Variants in CPEB3 observed in about 807,000 individuals in gnomAD.
CPEB3 encodes the protein cytoplasmic polyadenylation element-binding protein 3.
A neutral mutation model predicts 67.2 loss-of-function variants in CPEB3; 20 were observed. That is an observed-to-expected ratio of 0.30 (90% CI 0.21 to 0.43). The LOEUF (loss-of-function observed/expected upper bound fraction) is 0.43, where lower values mean the gene tolerates loss of function less well. Among genes scored for constraint, CPEB3 ranks in the 20% least tolerant of loss-of-function variants. The pLI is 1.00. For missense variants in CPEB3, 746 were observed against 968.6 expected (o/e 0.77, Z 3.05); for synonymous variants, 376 against 393.1 (o/e 0.96, Z 0.51).
At chr10:92,288,930 G>A (rs1842663619) in intron 1 of CPEB3, among the ~76,000 whole-genome samples, 1 of 152,110 alleles carries the variant, frequency 6.6e-6, no homozygotes. Flanking sequence ...AGCACAAGGA[G>A]CAAAAAATAA....
intron 2 of CPEB3, among the ~76,000 whole-genome samples, chr10:92,205,044 T>C (rs1462912444): frequency 6.6e-6 from 1 of 152,140 alleles, no homozygotes; most frequent in Non-Finnish European, 1.5e-5. Flanking sequence ...TTCACCATCT[T>C]GGCCAAGCTG....
At chr10:92,162,000 C>T (rs1847509520) in intron 4 of CPEB3, among the ~76,000 whole-genome samples, 1 of 152,144 alleles carries the variant, frequency 6.6e-6, no homozygotes, top group Non-Finnish European at 1.5e-5. Context: ...TGACTTATTT[C>T]ATCTTTCTAA....
At chr10:92,247,665 G>A (rs1421221903) in intron 1 of CPEB3, among the ~76,000 whole-genome samples, 3 of 152,028 alleles carry the variant, frequency 2.0e-5, no homozygotes, top group Non-Finnish European at 4.4e-5. Flanking sequence ...CCAAAGTTCT[G>A]GGATTACAGG....
intron 2 of CPEB3, among the ~76,000 whole-genome samples, chr10:92,221,417 C>T (rs972893205): frequency 3.3e-5 from 5 of 152,108 alleles, no homozygotes; most frequent in South Asian, 2.1e-4. Flanking sequence ...CTCTTGAGCC[C>T]GAGAGGCAAA....
chr10:92,110,388 T>C lies in CPEB3; in HGVS notation c.1572+688A>G, dbSNP rs1000855048. On this transcript the variant is annotated intron_variant, in intron 7 of 9. Transcript: ENST00000265997. Reference sequence around the variant, plus strand: ...CCCACAGATCCCTACTTCTGTCACATAAATGAAGTTCGTTTATTCTGCTCT... The same window carrying C: ...CCCACAGATCCCTACTTCTGTCACACAAATGAAGTTCGTTTATTCTGCTCT... Among the ~76,000 whole-genome samples the C allele has an allele frequency of 9.9e-5, 15 of 152,196 alleles. No homozygotes were observed. In the East Asian group the frequency reaches 2.9e-3, roughly 29 times the overall value.
At chr10:92,067,267 G>A (rs541350966) in intron 9 of CPEB3, among the ~76,000 whole-genome samples, 39 of 152,060 alleles carry the variant, frequency 2.6e-4, no homozygotes, top group Admixed American at 5.2e-4. Flanking sequence ...TTGAGAGGCC[G>A]AGGTGGGTGG....
At chr10:92,065,924 C>A (rs536897193) in intron 9 of CPEB3, among the ~76,000 whole-genome samples, 2 of 151,928 alleles carry the variant, frequency 1.3e-5, no homozygotes, top group African/African-American at 2.4e-5. Context: ...TGAGACCCCC[C>A]CTCTCTATCA....
At chr10:92,257,616 C>A (rs912928234) in intron 1 of CPEB3, among the ~76,000 whole-genome samples, 3 of 151,908 alleles carry the variant, frequency 2.0e-5, no homozygotes, top group Non-Finnish European at 2.9e-5. Context: ...AAGCTTGCAG[C>A]AGTGTATACT....
intron 1 of CPEB3, among the ~76,000 whole-genome samples, chr10:92,283,311 A>G (rs569755873): frequency 1.3e-5 from 2 of 152,188 alleles, no homozygotes; most frequent in Non-Finnish European, 2.9e-5. Context: ...ACTTTCAGTA[A>G]TAATTATTAA....
At chr10:92,242,375 G>C (rs1349152901) in intron 1 of CPEB3, among the ~76,000 whole-genome samples, 1 of 152,146 alleles carries the variant, frequency 6.6e-6, no homozygotes, top group Non-Finnish European at 1.5e-5. Flanking sequence ...CAATGGCTTT[G>C]ATCAGTATTG....
At chr10:92,104,449 C>A (rs1055278723) in intron 7 of CPEB3, among the ~76,000 whole-genome samples, 1 of 148,658 alleles carries the variant, frequency 6.7e-6, no homozygotes, top group East Asian at 2.0e-4. Flanking sequence ...GTGGCTGGCA[C>A]GATCTCGGCT....
chr10:92,163,359 G>A (rs920835323), intron 4 of CPEB3, among the ~76,000 whole-genome samples: 9 of 152,074 alleles, frequency 5.9e-5, no homozygotes, highest in Non-Finnish European at 1.3e-4. Flanking sequence ...GCTTGAACCC[G>A]GGAGGCGGAG....
intron 1 of CPEB3, among the ~76,000 whole-genome samples, chr10:92,257,745 T>TC (rs1852582738): frequency 6.6e-6 from 1 of 151,410 alleles, no homozygotes; most frequent in African/African-American, 2.4e-5. Flanking sequence ...TTTTTTTTTT[T>TC]TGAGATGGAG....
intron 1 of CPEB3, among the ~76,000 whole-genome samples, chr10:92,275,457 G>C (rs1564926379): frequency 6.6e-6 from 1 of 152,032 alleles, no homozygotes; most frequent in Non-Finnish European, 1.5e-5. Context: ...ATGTTATATG[G>C]GTATGTCATA....
intron 9 of CPEB3, 148 bp from the exon 10 acceptor site, chr10:92,052,587 A>G (rs748822470): frequency 6.1e-6 from 4 of 653,208 alleles, no homozygotes; most frequent in Non-Finnish European, 1.0e-5. Flanking sequence ...GGTTGAGAGC[A>G]TGGGCTTTGG....
At chr10:92,280,343 C>CAAAAAA (rs60338900) in intron 1 of CPEB3, among the ~76,000 whole-genome samples, 33 of 37,740 alleles carry the variant, frequency 8.7e-4, no homozygotes, top group Admixed American at 1.2e-3. Flanking sequence ...AACTCCATCT[C>CAAAAAA]AAAAAAAAAA....
chr10:92,139,292 A>C (rs1415576298), intron 6 of CPEB3, among the ~76,000 whole-genome samples: 1 of 148,196 alleles, frequency 6.7e-6, no homozygotes, highest in Non-Finnish European at 1.5e-5. Context: ...ACACACATAA[A>C]AAAAAAAAAA....
At chr10:92,060,458 C>A (rs1195457589) in intron 9 of CPEB3, among the ~76,000 whole-genome samples, 3 of 152,086 alleles carry the variant, frequency 2.0e-5, no homozygotes, top group African/African-American at 7.2e-5. Context: ...TTGGTCTTGG[C>A]AAAAATTTCT....
At chr10:92,096,524 C>G (rs1843887180) in intron 7 of CPEB3, among the ~76,000 whole-genome samples, 1 of 152,096 alleles carries the variant, frequency 6.6e-6, no homozygotes, top group Non-Finnish European at 1.5e-5. Flanking sequence ...AAAGCCTCAG[C>G]ATCCTGAGGA....
Sources: allele counts gnomAD v4.1 joint callset (sites outside exome capture counted in the v4.1 genomes callset), GRCh38; gene constraint gnomAD v4.1.1; transcripts MANE v1.5; gene names NCBI Gene and HGNC (gene_info 2026-07-23, HGNC 2026-07-21).